ADAM29: variants seen among roughly 807,000 people sequenced by gnomAD.
ADAM29 encodes ADAM metallopeptidase domain 29.
For missense variants in ADAM29, 969 were observed against 1,001.8 expected, an observed-to-expected ratio of 0.97 and a Z score of 0.44; for synonymous variants, 367 against 342.3, an observed-to-expected ratio of 1.07 and a Z score of -0.80.
chr4:174,956,189 C>CA (rs1745488338), intron 4 of ADAM29, among the ~76,000 whole-genome samples: 1 of 151,990 alleles, frequency 6.6e-6, no homozygotes, highest in African/African-American at 2.4e-5. Context: ...TTTGGTATCT[C>CA]ATTCCTTAAA....
At chr4:174,931,801 G>GTC (rs1260788518) in intron 3 of ADAM29, among the ~76,000 whole-genome samples, 3 of 134,292 alleles carry the variant, frequency 2.2e-5, no homozygotes, top group Non-Finnish European at 3.1e-5. Context: ...TTTATACCCA[G>GTC]TCTCTCTCTC....
chr4:174,944,772 A>G (rs1359263090), intron 4 of ADAM29, among the ~76,000 whole-genome samples: 1 of 152,164 alleles, frequency 6.6e-6, no homozygotes, highest in Non-Finnish European at 1.5e-5. Flanking sequence ...ATAAGTGACA[A>G]CATGCAGTAT....
intron 4 of ADAM29, among the ~76,000 whole-genome samples, chr4:174,950,351 T>C (rs1745097095): frequency 6.6e-6 from 1 of 152,194 alleles, no homozygotes; most frequent in Non-Finnish European, 1.5e-5. Flanking sequence ...TCTTTTCATC[T>C]CCCTGGCAAG....
At chr4:174,942,566 G>A (rs1744600184) in intron 4 of ADAM29, among the ~76,000 whole-genome samples, 1 of 152,060 alleles carries the variant, frequency 6.6e-6, no homozygotes, top group Non-Finnish European at 1.5e-5. Context: ...CACAGCTGGA[G>A]CTGGAGTGGC....
At position 174,975,597 on chromosome 4, in the gene ADAM29, C is replaced by T. The variant is rs1227067047; in HGVS notation, c.72C>T (p.His24=). Residue 24 remains histidine, a synonymous_variant, in exon 5 of 5, where the codon CAC becomes CAT. Transcript: ENST00000359240. ...LSCSGHIQDE[H]PQYHSPPDVV... ...GTTCTGGACACATCCAGGATGAGCACCCCCAATATCACAGCCCTCCGGATG... is the reference window on the plus strand; with the variant it reads ...GTTCTGGACACATCCAGGATGAGCATCCCCAATATCACAGCCCTCCGGATG... 6 of 1,600,372 alleles carry T rather than the reference C, an allele frequency of 3.7e-6. No individual in the cohort carries two copies. The highest frequency in any genetic ancestry group is 1.7e-4 in the Middle Eastern group (1 of 5,928).
intron 3 of ADAM29, among the ~76,000 whole-genome samples, chr4:174,935,989 C>A (rs368099967): frequency 1.3e-5 from 2 of 151,954 alleles, no homozygotes; most frequent in East Asian, 1.9e-4. Context: ...ATTTACTGTC[C>A]AATCTGGATA....
At chr4:174,948,406 C>A (rs1441506132) in intron 4 of ADAM29, among the ~76,000 whole-genome samples, 4 of 152,142 alleles carry the variant, frequency 2.6e-5, no homozygotes, top group Non-Finnish European at 5.9e-5. Flanking sequence ...CCACTGACTT[C>A]ACTTCCGGAG....
chr4:174,945,364 G>A (rs1744780918), intron 4 of ADAM29, among the ~76,000 whole-genome samples: 1 of 151,990 alleles, frequency 6.6e-6, no homozygotes, highest in East Asian at 1.9e-4. Flanking sequence ...TTGCTAATCT[G>A]CTTAATTTCC....
At chr4:174,954,644 T>TG (rs1745397896) in intron 4 of ADAM29, among the ~76,000 whole-genome samples, 1 of 152,200 alleles carries the variant, frequency 6.6e-6, no homozygotes, top group South Asian at 2.1e-4. Context: ...ATTTAACACC[T>TG]GAGTCACTGC....
At chr4:174,938,295 A>C (rs753029784) in intron 4 of ADAM29, among the ~76,000 whole-genome samples, 31 of 152,098 alleles carry the variant, frequency 2.0e-4, no homozygotes, top group Non-Finnish European at 4.4e-4. Context: ...GAATTTGGGG[A>C]AGTTAACTAA....
At position 174,976,449 on chromosome 4, in the gene ADAM29, A is replaced by C. The variant is rs764085603; in HGVS notation, c.924A>C (p.Thr308=). The C allele has an allele frequency of 1.2e-5, 19 of 1,607,470 alleles. No individual in the cohort carries two copies. The highest frequency in any genetic ancestry group is 1.4e-5 in the Non-Finnish European group (17 of 1,177,008). The part of the protein sequence containing the change: ...SGIGAFRGMC[T]PHRSCAIVTF... The stretch of plus-strand genomic sequence containing the variant: ...TAGGAGCTTTTAGAGGAATGTGTAC[A>C]CCACACCGTAGTTGTGCAATTGTTA... The change falls in exon 5 of 5, where the codon ACA becomes ACC. Residue 308 remains threonine (T), a synonymous_variant. Transcript: ENST00000359240.
At chr4:174,924,874 A>C (rs1743406924) in intron 2 of ADAM29, among the ~76,000 whole-genome samples, 1 of 152,214 alleles carries the variant, frequency 6.6e-6, no homozygotes, top group Non-Finnish European at 1.5e-5. Flanking sequence ...AGTGTGGACA[A>C]TGGAAAAAGT....
chr4:174,945,929 G>A (rs999514040), intron 4 of ADAM29, among the ~76,000 whole-genome samples: 3 of 152,094 alleles, frequency 2.0e-5, no homozygotes, highest in African/African-American at 7.2e-5. Flanking sequence ...GTAATATGAT[G>A]CCTCAGCTTT....
chr4:174,968,066 C>T (rs900316283), intron 4 of ADAM29, among the ~76,000 whole-genome samples: 1 of 151,882 alleles, frequency 6.6e-6, no homozygotes, highest in Non-Finnish European at 1.5e-5. Context: ...ATGATTTTTC[C>T]TTCGTGTTTC....
At chr4:174,972,384 C>T (rs187376404) in intron 4 of ADAM29, among the ~76,000 whole-genome samples, 17 of 152,190 alleles carry the variant, frequency 1.1e-4, no homozygotes, top group Admixed American at 7.2e-4. Flanking sequence ...TCTCTCTCTC[C>T]ATGAAAAGAA....
rs1023235510 is a variant in ADAM29, at chr4:174,976,327, C to T, written c.802C>T (p.Leu268=). Residue 268 remains leucine (L), a synonymous_variant, in exon 5 of 5, where the codon CTG becomes TTG. Coordinates refer to ENST00000359240, the MANE Select transcript of ADAM29 (RefSeq NM_014269.4). The stretch of plus-strand genomic sequence containing the variant: ...AGATGATGTAAGGAAATCTGTGCAC[C>T]TGTATTGCAAGTGGAAGTCGGAGAA... ...VVDDVRKSVH[L]YCKWKSENIT... 1.2e-6 allele frequency: 2 copies of T among 1,611,642 alleles called. No homozygotes were observed. The highest frequency in any genetic ancestry group is 1.7e-6 in the Non-Finnish European group (2 of 1,179,328).
intron 2 of ADAM29, among the ~76,000 whole-genome samples, chr4:174,922,903 G>C (rs1169788403): frequency 6.6e-6 from 1 of 151,432 alleles, no homozygotes; most frequent in Admixed American, 6.6e-5. Flanking sequence ...AAAGCCAAAA[G>C]AATAACCCAC....
At chr4:174,939,020 C>T (rs1042353610) in intron 4 of ADAM29, among the ~76,000 whole-genome samples, 8 of 152,250 alleles carry the variant, frequency 5.3e-5, no homozygotes, top group Middle Eastern at 3.4e-3. Flanking sequence ...CTTCTCCTTT[C>T]TGATAAAGGC....
intron 4 of ADAM29, among the ~76,000 whole-genome samples, chr4:174,940,747 A>T (rs1293018511): frequency 1.3e-5 from 2 of 152,094 alleles, no homozygotes; most frequent in Non-Finnish European, 1.5e-5. Context: ...GTAATATTTG[A>T]CTTTATATGT....
Sources: allele counts gnomAD v4.1 joint callset (sites outside exome capture counted in the v4.1 genomes callset), GRCh38; gene constraint gnomAD v4.1.1; transcripts MANE v1.5; gene names NCBI Gene and HGNC (gene_info 2026-07-23, HGNC 2026-07-21).